The following CNGB3 variants were observed in gnomAD, a reference collection of about 807,000 sequenced individuals.
The protein encoded by CNGB3 is cyclic nucleotide gated channel subunit beta 3.
Under a neutral mutation model 92.8 loss-of-function variants are expected in CNGB3, and 86 were observed. That is an observed-to-expected ratio of 0.93 (90% CI 0.78 to 1.11). The LOEUF is 1.11. CNGB3 is among the 50% of genes least tolerant of loss of function. The pLI is 0.00. For synonymous variants in CNGB3, 333 were observed against 332.7 expected, an observed-to-expected ratio of 1.00 and a Z score of -0.01; for missense variants, 1,026 against 956.8, an observed-to-expected ratio of 1.07 and a Z score of -0.95.
intron 15 of CNGB3, among the ~76,000 whole-genome samples, chr8:86,584,521 C>G (rs1364969988): frequency 6.6e-6 from 1 of 152,044 alleles, no homozygotes; most frequent in African/African-American, 2.4e-5. Flanking sequence ...AATAGTCTGT[C>G]TGCCAGATGG....
At chr8:86,674,041 T>C (rs1346559399) in intron 3 of CNGB3, among the ~76,000 whole-genome samples, 1 of 152,234 alleles carries the variant, frequency 6.6e-6, no homozygotes, top group Non-Finnish European at 1.5e-5. Context: ...TTTTAATAAA[T>C]GCTTATTGAG....
intron 2 of CNGB3, among the ~76,000 whole-genome samples, chr8:86,728,366 A>G (rs538589669): frequency 4.0e-5 from 6 of 151,396 alleles, no homozygotes; most frequent in African/African-American, 1.2e-4. Context: ...AAAAAATTGC[A>G]CTTTCAATAT....
intron 6 of CNGB3, among the ~76,000 whole-genome samples, chr8:86,656,175 G>A (rs2053473): frequency 0.032 from 4,836 of 152,132 alleles, 108 homozygotes; most frequent in Non-Finnish European, 0.044. Flanking sequence ...ACATAGATAC[G>A]GCTTCAAATA....
intron 3 of CNGB3, among the ~76,000 whole-genome samples, chr8:86,688,969 C>T (rs952421378): frequency 1.3e-5 from 2 of 151,224 alleles, no homozygotes; most frequent in Admixed American, 6.6e-5. Context: ...CCATAGGCCA[C>T]GGGTCTTGGT....
At chr8:86,605,567 T>C (rs1281223790) in intron 14 of CNGB3, among the ~76,000 whole-genome samples, 2 of 152,214 alleles carry the variant, frequency 1.3e-5, no homozygotes, top group Non-Finnish European at 1.5e-5. Context: ...AGAATTAGAA[T>C]ACACTAAAAT....
chr8:86,703,018 A>C (rs1170231195), intron 3 of CNGB3, among the ~76,000 whole-genome samples: 1 of 152,022 alleles, frequency 6.6e-6, no homozygotes, highest in Non-Finnish European at 1.5e-5. Context: ...CATGAAATCT[A>C]TTTGGGTTTT....
intron 3 of CNGB3, among the ~76,000 whole-genome samples, chr8:86,712,249 C>G (rs1824764009): frequency 6.6e-6 from 1 of 151,906 alleles, no homozygotes; most frequent in Non-Finnish European, 1.5e-5. Flanking sequence ...CTGATTCTTT[C>G]TTTTTTATTT....
At chr8:86,635,620 T>A (rs113739168) in intron 10 of CNGB3, among the ~76,000 whole-genome samples, 1 of 151,550 alleles carries the variant, frequency 6.6e-6, no homozygotes, top group African/African-American at 2.4e-5. Context: ...CACCTAGACA[T>A]GCATAACCAA....
At chr8:86,700,593 T>C (rs1306411004) in intron 3 of CNGB3, among the ~76,000 whole-genome samples, 1 of 152,202 alleles carries the variant, frequency 6.6e-6, no homozygotes, top group Non-Finnish European at 1.5e-5. Context: ...TCAAAACCAG[T>C]GGACTGAACT....
At chr8:86,724,793 A>G (rs1825030091) in intron 3 of CNGB3, among the ~76,000 whole-genome samples, 1 of 152,064 alleles carries the variant, frequency 6.6e-6, no homozygotes, top group South Asian at 2.1e-4. Flanking sequence ...AAAGAATAGA[A>G]CAAGCAGAGG....
At position 86,735,042 on chromosome 8, in the gene CNGB3, G is replaced by GGTTTTTTTTTTTT. The variant is rs1554618958; in HGVS notation, c.211+4612_211+4613insAAAAAAAAAAAAC. Among the ~76,000 whole-genome samples the GGTTTTTTTTTTTT allele has an allele frequency of 2.4e-4, 21 of 85,872 alleles. 2 individuals are homozygous for GGTTTTTTTTTTTT. Among genetic ancestry groups the GGTTTTTTTTTTTT allele is most frequent in the Non-Finnish European group, 3.3e-4 (16 of 47,918 alleles). 56.3% of individuals were successfully genotyped at this position (85,872 alleles called of 152,430 possible). ...CATGTCAAATTCTCAAATGCCGGTG[G>GGTTTTTTTTTTTT]TTTTTTTTTTTTTTTTTTTTTTTTT... On this transcript the variant is annotated intron_variant, in intron 2 of 17. Transcript: ENST00000320005.
At chr8:86,654,460 G>A (rs573141480) in intron 6 of CNGB3, among the ~76,000 whole-genome samples, 1 of 152,156 alleles carries the variant, frequency 6.6e-6, no homozygotes, top group East Asian at 1.9e-4. Flanking sequence ...TCCTGTTATG[G>A]CATTCATCAT....
At chr8:86,613,580 TA>T (rs1459423971) in intron 13 of CNGB3, among the ~76,000 whole-genome samples, 1 of 152,156 alleles carries the variant, frequency 6.6e-6, no homozygotes, top group African/African-American at 2.4e-5. Flanking sequence ...GCAATGAAGG[TA>T]ACTCTCAGTC....
At chr8:86,662,110 C>CA (rs1311635633) in intron 6 of CNGB3, among the ~76,000 whole-genome samples, 2 of 152,234 alleles carry the variant, frequency 1.3e-5, no homozygotes, top group African/African-American at 4.8e-5. Flanking sequence ...GCATGGGGCG[C>CA]CACTGCAGCT....
At chr8:86,591,875 G>A (rs1218212365) in intron 15 of CNGB3, among the ~76,000 whole-genome samples, 1 of 152,162 alleles carries the variant, frequency 6.6e-6, no homozygotes, top group Non-Finnish European at 1.5e-5. Flanking sequence ...CACCCAGTTC[G>A]AGCTTCTGGG....
rs956660757 is a variant in CNGB3 at position 86,631,726 on chromosome 8, A to G, written c.1320+1026T>C. ...TTAGCTCTTAGTGTTCATCTTCCTA[A>G]ACCTAAATATTTTCTACATAGAGTT... On this transcript the variant is annotated intron_variant, in intron 11 of 17. Transcript: ENST00000320005. Among the ~76,000 whole-genome samples, 4 of 152,196 alleles carry G rather than the reference A, an allele frequency of 2.6e-5. No homozygotes were observed. In the South Asian group the frequency reaches 6.2e-4, roughly 24 times the overall value.
chr8:86,616,343 G>A (rs1234681684), intron 13 of CNGB3, among the ~76,000 whole-genome samples: 1 of 152,164 alleles, frequency 6.6e-6, no homozygotes, highest in Non-Finnish European at 1.5e-5. Flanking sequence ...TAGCTTTGGG[G>A]CAGCTTTGGT....
chr8:86,580,793 C>G (rs1821748313), intron 15 of CNGB3, among the ~76,000 whole-genome samples: 2 of 152,130 alleles, frequency 1.3e-5, no homozygotes, highest in Admixed American at 1.3e-4. Flanking sequence ...AAAAAGACAC[C>G]ATAGGATCTG....
intron 3 of CNGB3, among the ~76,000 whole-genome samples, chr8:86,686,510 T>G (rs768774175): frequency 6.6e-6 from 1 of 152,146 alleles, no homozygotes; most frequent in Non-Finnish European, 1.5e-5. Context: ...CCTTAAAGTA[T>G]TGCAGACACC....
Sources: allele counts gnomAD v4.1 joint callset (sites outside exome capture counted in the v4.1 genomes callset), GRCh38; gene constraint gnomAD v4.1.1; transcripts MANE v1.5; gene names NCBI Gene and HGNC (gene_info 2026-07-23, HGNC 2026-07-21).